Variants in NEK10 observed in about 807,000 individuals in gnomAD.
The protein encoded by NEK10 is serine/threonine-protein kinase Nek10.
NEK10 carries 122 observed loss-of-function variants against 159.8 expected under a neutral mutation model. The ratio of observed to expected loss-of-function variants is 0.76; its 90% CI spans 0.66 to 0.89. NEK10 has a LOEUF of 0.89. Among genes scored for constraint, NEK10 ranks in the 40% least tolerant of loss-of-function variants. NEK10 has a pLI of 0.00. For missense variants in NEK10, 1,342 were observed against 1,323.1 expected (o/e 1.01, Z -0.22); for synonymous variants, 466 against 457.1 (o/e 1.02, Z -0.25).
chr3:27,137,694 T>C (rs938241384), intron 31 of NEK10, among the ~76,000 whole-genome samples: 1 of 152,170 alleles, frequency 6.6e-6, no homozygotes, highest in African/African-American at 2.4e-5. Context: ...AAGAGAAAGC[T>C]TGACAGCAGA....
intron 16 of NEK10, 46 bp from the exon 17 acceptor site, chr3:27,291,632 T>C (rs1378023895): frequency 9.5e-7 from 1 of 1,051,888 alleles, no homozygotes; most frequent in African/African-American, 1.6e-5. Context: ...TGGACACAGT[T>C]GATCATTACT....
chr3:27,263,815 C>T (rs6762944), intron 22 of NEK10, among the ~76,000 whole-genome samples: 12,743 of 152,002 alleles, frequency 0.084, 1,733 homozygotes, highest in African/African-American at 0.29. Context: ...GTGCACTGCA[C>T]CCACTGTCCT....
chr3:27,264,930 AAATAAAT>A (rs1396940353), intron 22 of NEK10, among the ~76,000 whole-genome samples: 2 of 133,380 alleles, frequency 1.5e-5, no homozygotes, highest in South Asian at 2.5e-4. Flanking sequence ...ATAAATAAAT[AAATAAAT>A]AATAATTTTA....
chr3:27,313,117 G>C (rs1009296395), intron 7 of NEK10, among the ~76,000 whole-genome samples: 3 of 149,230 alleles, frequency 2.0e-5, no homozygotes, highest in African/African-American at 7.4e-5. Context: ...AAAAAAAAAT[G>C]ATCCGGGCAT....
intron 28 of NEK10, among the ~76,000 whole-genome samples, chr3:27,173,964 T>C (rs1308367178): frequency 5.3e-5 from 8 of 152,200 alleles, no homozygotes; most frequent in Non-Finnish European, 1.5e-5. Flanking sequence ...GGAATTTATA[T>C]GTCATATTTT....
chr3:27,347,700 A>G (rs1023734962), intron 3 of NEK10, among the ~76,000 whole-genome samples: 1 of 152,132 alleles, frequency 6.6e-6, no homozygotes, highest in Non-Finnish European at 1.5e-5. Context: ...TAAATCTTCC[A>G]TCCTATAAAA....
intron 31 of NEK10, among the ~76,000 whole-genome samples, chr3:27,139,110 TA>T (rs1943522853): frequency 6.6e-6 from 1 of 152,152 alleles, no homozygotes; most frequent in Non-Finnish European, 1.5e-5. Context: ...AGCAGCTTAC[TA>T]AATTACAAGG....
At position 27,250,036 on chromosome 3, in the gene NEK10, A is replaced by T. The variant is rs7638996; in HGVS notation, c.2090+6260T>A. Among the ~76,000 whole-genome samples the T allele has an allele frequency of 8.8e-3, 1,345 of 152,108 alleles. 24 individuals carry two copies. Among genetic ancestry groups the T allele is most frequent in the African/African-American group, 0.03 (1,247 of 41,516 alleles). On this transcript the variant is annotated intron_variant, in intron 23 of 35. Coordinates refer to ENST00000691995, the MANE Select transcript of NEK10 (RefSeq NM_001394966.1). ...TTTAATTTTGTCCCCCCACTTTTTA[A>T]CTTATTGTTTCTCTTTATATGTTAT...
At chr3:27,129,525 A>G (rs1202888058) in intron 32 of NEK10, among the ~76,000 whole-genome samples, 1 of 152,162 alleles carries the variant, frequency 6.6e-6, no homozygotes, top group Non-Finnish European at 1.5e-5. Flanking sequence ...ATACCAGAAA[A>G]GGGGTAAAAA....
In NEK10 at chr3:27,109,959, A is replaced by C. The variant is rs1209540935; in HGVS notation, c.*1313T>G. On this transcript the variant is annotated 3_prime_UTR_variant, in exon 36 of 36. Coordinates refer to ENST00000691995, the MANE Select transcript of NEK10 (RefSeq NM_001394966.1). ...GTATTAAATATGCTCATTTAAAAAT[A>C]GTGTAGATTTTCATACTATACAGAA... 2.6e-5 allele frequency: 4 copies of C among 152,230 alleles called. No homozygotes were observed. Among genetic ancestry groups the C allele is most frequent in the Non-Finnish European group, 5.9e-5 (4 of 68,044 alleles). 9.4% of individuals were successfully genotyped at this position (152,230 alleles called of 1,614,324 possible). A position where few individuals can be genotyped will look rare whatever the true frequency, so the allele number is the denominator to read the frequency against.
At chr3:27,117,965 T>A (rs1343787256) in intron 33 of NEK10, among the ~76,000 whole-genome samples, 7 of 152,218 alleles carry the variant, frequency 4.6e-5, no homozygotes, top group Non-Finnish European at 1.0e-4. Context: ...TACATTTAAG[T>A]CTTTAATCCA....
At chr3:27,160,029 A>G (rs1474075119) in intron 30 of NEK10, among the ~76,000 whole-genome samples, 3 of 151,998 alleles carry the variant, frequency 2.0e-5, no homozygotes, top group Non-Finnish European at 4.4e-5. Flanking sequence ...TTGGTTATGC[A>G]TAAGTTCCAA....
At chr3:27,243,599 G>A (rs1386055376) in intron 23 of NEK10, among the ~76,000 whole-genome samples, 1 of 152,008 alleles carries the variant, frequency 6.6e-6, no homozygotes, top group African/African-American at 2.4e-5. Context: ...GTCTGAATTC[G>A]AGGAAAATAT....
intron 5 of NEK10, among the ~76,000 whole-genome samples, chr3:27,343,714 CT>C (rs1467844127): frequency 3.3e-5 from 5 of 152,288 alleles, no homozygotes; most frequent in African/African-American, 1.2e-4. Flanking sequence ...CTGAAAACCC[CT>C]GATATTTGTG....
intron 1 of NEK10, among the ~76,000 whole-genome samples, chr3:27,358,507 G>A (rs2048468333): frequency 1.3e-5 from 2 of 152,152 alleles, no homozygotes; most frequent in Non-Finnish European, 2.9e-5. Flanking sequence ...TGCTAAAGAA[G>A]TCCCTAGAGA....
At chr3:27,125,148 C>CA (rs1453716479) in intron 32 of NEK10, among the ~76,000 whole-genome samples, 2 of 152,172 alleles carry the variant, frequency 1.3e-5, no homozygotes, top group East Asian at 1.9e-4. Flanking sequence ...CCTCTCCCCC[C>CA]AAAAAACACT....
intron 23 of NEK10, among the ~76,000 whole-genome samples, chr3:27,218,604 C>T (rs1007038767): frequency 1.5e-5 from 1 of 67,434 alleles, no homozygotes; most frequent in Non-Finnish European, 2.8e-5. Flanking sequence ...GTCTCCATCT[C>T]AAAAAAAAAA....
At chr3:27,170,964 G>A (rs1946928151) in intron 29 of NEK10, among the ~76,000 whole-genome samples, 1 of 151,728 alleles carries the variant, frequency 6.6e-6, no homozygotes, top group Non-Finnish European at 1.5e-5. Context: ...TCCTTCCTCT[G>A]TCCCAAATGC....
intron 23 of NEK10, among the ~76,000 whole-genome samples, chr3:27,254,369 C>T (rs558828995): frequency 3.3e-5 from 5 of 152,274 alleles, no homozygotes; most frequent in African/African-American, 7.2e-5. Context: ...GTACTGGCTG[C>T]TTTCCCTCCC....
Sources: gnomAD v4.1 joint callset for allele counts (sites outside exome capture counted in the v4.1 genomes callset) on GRCh38, gnomAD v4.1.1 for gene constraint, MANE v1.5 for transcripts, NCBI Gene and HGNC (gene_info 2026-07-23, HGNC 2026-07-21) for gene names.